Variants in TTC28 observed in about 807,000 individuals in gnomAD.
TTC28 encodes tetratricopeptide repeat protein 28.
In TTC28, 61 loss-of-function variants were observed where a neutral mutation model predicts 198.0. The observed-to-expected ratio is 0.31, with a 90% CI of 0.25 to 0.38. The LOEUF (loss-of-function observed/expected upper bound fraction) is 0.38. Among genes scored for constraint, TTC28 ranks in the 10% least tolerant of loss-of-function variants. The pLI, the probability that TTC28 is intolerant of heterozygous loss-of-function variation, is 1.00. For missense variants in TTC28, 2,678 were observed against 3,164.0 expected (o/e 0.85, Z 3.69); for synonymous variants, 1,171 against 1,297.8 (o/e 0.90, Z 2.10).
chr22:28,188,312 T>C (rs937902134), intron 5 of TTC28, among the ~76,000 whole-genome samples: 2 of 151,996 alleles, frequency 1.3e-5, no homozygotes, highest in African/African-American at 4.8e-5. Context: ...GATGGATAAA[T>C]GGTAGCTAAT....
chr22:28,098,128 G>A (rs1018829221), intron 10 of TTC28, among the ~76,000 whole-genome samples: 1 of 152,230 alleles, frequency 6.6e-6, no homozygotes, highest in Non-Finnish European at 1.5e-5. Context: ...GGTGAAAGAA[G>A]ATGCATGCTG....
chr22:28,543,608 A>C (rs2049469091), intron 2 of TTC28, among the ~76,000 whole-genome samples: 3 of 152,200 alleles, frequency 2.0e-5, no homozygotes. Context: ...AATTGAATTC[A>C]TAATCAATTT....
intron 5 of TTC28, among the ~76,000 whole-genome samples, chr22:28,267,248 C>A (rs544495835): frequency 5.0e-4 from 76 of 152,280 alleles, no homozygotes; most frequent in African/African-American, 1.6e-3. Context: ...CCTAACTACA[C>A]AGAAATACTG....
chr22:28,591,562 G>A (rs1236089503), intron 2 of TTC28, among the ~76,000 whole-genome samples: 2 of 152,002 alleles, frequency 1.3e-5, no homozygotes, highest in East Asian at 1.9e-4. Flanking sequence ...CCAGGTCCAC[G>A]TGCTTTTTAA....
At chr22:28,086,200 C>A (rs1227029522) in intron 12 of TTC28, among the ~76,000 whole-genome samples, 1 of 152,096 alleles carries the variant, frequency 6.6e-6, no homozygotes, top group African/African-American at 2.4e-5. Context: ...CCCAAATCAA[C>A]AGAATATACA....
At chr22:28,423,384 C>T (rs540741554) in intron 2 of TTC28, among the ~76,000 whole-genome samples, 3 of 150,514 alleles carry the variant, frequency 2.0e-5, no homozygotes, top group East Asian at 1.9e-4. Context: ...AGCGAGACTC[C>T]GTATCAGAAA....
chr22:28,248,683 C>T (rs1930290693), intron 5 of TTC28, among the ~76,000 whole-genome samples: 1 of 152,058 alleles, frequency 6.6e-6, no homozygotes, highest in East Asian at 1.9e-4. Flanking sequence ...ATATCCTGCC[C>T]AAAATATCTT....
intron 13 of TTC28, among the ~76,000 whole-genome samples, chr22:28,018,256 T>C (rs1938446767): frequency 8.0e-6 from 1 of 124,942 alleles, no homozygotes; most frequent in Non-Finnish European, 1.6e-5. Flanking sequence ...TGTGTGTGTG[T>C]GTGTGTGTGT....
chr22:28,182,800 C>T (rs1474890956), intron 5 of TTC28, among the ~76,000 whole-genome samples: 1 of 152,172 alleles, frequency 6.6e-6, no homozygotes, highest in African/African-American at 2.4e-5. Context: ...CCAGATTTCA[C>T]AACAAACAAG....
At chr22:28,272,065 A>C (rs1276787920) in intron 5 of TTC28, among the ~76,000 whole-genome samples, 1 of 151,718 alleles carries the variant, frequency 6.6e-6, no homozygotes, top group Non-Finnish European at 1.5e-5. Flanking sequence ...TAAATTACCC[A>C]CTCTCGGGTA....
intron 5 of TTC28, among the ~76,000 whole-genome samples, chr22:28,191,185 T>A (rs1265820915): frequency 6.6e-6 from 1 of 152,182 alleles, no homozygotes; most frequent in Non-Finnish European, 1.5e-5. Flanking sequence ...AAAAGAAACA[T>A]GTTTAAATGC....
At chr22:28,337,012 T>A (rs1164801044) in intron 2 of TTC28, among the ~76,000 whole-genome samples, 1 of 152,218 alleles carries the variant, frequency 6.6e-6, no homozygotes, top group Non-Finnish European at 1.5e-5. Flanking sequence ...CTGCTTTGAA[T>A]GTGTTCCAGA....
chr22:28,370,038 C>T (rs1449351124), intron 2 of TTC28, among the ~76,000 whole-genome samples: 1 of 152,184 alleles, frequency 6.6e-6, no homozygotes, highest in Non-Finnish European at 1.5e-5. Flanking sequence ...ATACAGACAA[C>T]TGCACTCTCT....
intron 2 of TTC28, among the ~76,000 whole-genome samples, chr22:28,578,827 A>G (rs1244644154): frequency 1.3e-5 from 2 of 152,086 alleles, no homozygotes; most frequent in Non-Finnish European, 2.9e-5. Context: ...GGCAGAACTC[A>G]GCCAGTGTCC....
chr22:28,409,233 C>T (rs1015024519), intron 2 of TTC28, among the ~76,000 whole-genome samples: 1 of 152,122 alleles, frequency 6.6e-6, no homozygotes, highest in African/African-American at 2.4e-5. Flanking sequence ...TTTACTGACT[C>T]ATATTATTAA....
At position 27,990,017 on chromosome 22, in the gene TTC28, G is replaced by T. The variant is rs769391057; in HGVS notation, c.5578-10C>A. The T allele has an allele frequency of 1.3e-6, 2 of 1,548,962 alleles. No individual in the cohort carries two copies. Among genetic ancestry groups the T allele is most frequent in the South Asian group, 1.2e-5 (1 of 83,974 alleles). On this transcript the variant is annotated splice_polypyrimidine_tract_variant and intron_variant, in intron 20 of 22. Transcript: ENST00000397906. The stretch of plus-strand genomic sequence containing the variant: ...CCAGCACCTGGTGGAGCTGAGGAAG[G>T]GGGGACAGCGTGAGCACCCTGTGTC...
chr22:28,413,209 GC>G (rs1173247155), intron 2 of TTC28, among the ~76,000 whole-genome samples: 3 of 152,104 alleles, frequency 2.0e-5, no homozygotes, highest in Admixed American at 6.5e-5. Flanking sequence ...GCCAAGGCGG[GC>G]GGATGACGAG....
intron 2 of TTC28, among the ~76,000 whole-genome samples, chr22:28,409,792 G>T (rs1379906867): frequency 1.3e-5 from 2 of 151,616 alleles, no homozygotes; most frequent in African/African-American, 2.4e-5. Context: ...GAGTAGCTGG[G>T]ACTACAGGCG....
chr22:28,150,336 T>C (rs1287126273), intron 6 of TTC28, among the ~76,000 whole-genome samples: 1 of 152,174 alleles, frequency 6.6e-6, no homozygotes, highest in South Asian at 2.1e-4. Flanking sequence ...CTCTAAATAT[T>C]ATCTTCAAAT....
Sources: gnomAD v4.1 joint callset for allele counts (sites outside exome capture counted in the v4.1 genomes callset) on GRCh38, gnomAD v4.1.1 for gene constraint, MANE v1.5 for transcripts, NCBI Gene and HGNC (gene_info 2026-07-23, HGNC 2026-07-21) for gene names.